TMEM117: variants seen among roughly 807,000 people sequenced by gnomAD.
The protein encoded by TMEM117 is transmembrane protein 117.
In TMEM117, 27 loss-of-function variants were observed where a neutral mutation model predicts 52.4. That is an observed-to-expected ratio of 0.51 (90% confidence interval 0.38 to 0.71). TMEM117 has a LOEUF of 0.71. Among genes scored for constraint, TMEM117 ranks in the 30% least tolerant of loss-of-function variants. The pLI is 0.00. For synonymous variants in TMEM117, 215 were observed against 206.3 expected (o/e 1.04, Z -0.36); for missense variants, 556 against 630.5 (o/e 0.88, Z 1.26).
At chr12:44,394,833 G>T in the TMEM117 span, among the ~76,000 whole-genome samples, 1 of 152,152 alleles carries the variant, frequency 6.6e-6, no homozygotes, top group African/African-American at 2.4e-5. Flanking sequence ...AGCCACTTCT[G>T]AATTGGGATG....
intron 6 of TMEM117, among the ~76,000 whole-genome samples, chr12:44,311,371 C>G (rs970571838): frequency 7.2e-5 from 11 of 152,024 alleles, no homozygotes; most frequent in African/African-American, 2.7e-4. Flanking sequence ...AATAAATTTA[C>G]ACACAAAAAT....
chr12:44,314,564 CTTCT>C (rs1424106586), intron 6 of TMEM117, among the ~76,000 whole-genome samples: 2 of 135,268 alleles, frequency 1.5e-5, no homozygotes, highest in Admixed American at 7.1e-5. Flanking sequence ...GTAGTTTCTT[CTTCT>C]TTTTTTTTTT....
the TMEM117 span, chr12:43,802,508 T>C: frequency 2.2e-4 from 303 of 1,394,538 alleles, 1 homozygote; most frequent in East Asian, 4.0e-4. Context: ...TGGTTTGAGA[T>C]ATCAAGTGGT....
chr12:44,369,631 C>A (rs1951835792), intron 6 of TMEM117, among the ~76,000 whole-genome samples: 1 of 152,102 alleles, frequency 6.6e-6, no homozygotes, highest in African/African-American at 2.4e-5. Context: ...GAGTTCATTG[C>A]TGTATTAGAA....
At chr12:43,880,650 C>G (rs1171770282) in intron 2 of TMEM117, among the ~76,000 whole-genome samples, 1 of 152,136 alleles carries the variant, frequency 6.6e-6, no homozygotes, top group Non-Finnish European at 1.5e-5. Flanking sequence ...GAGACAGTCT[C>G]CCTTGAGCCA....
At chr12:44,048,953 T>A (rs1431581145) in intron 3 of TMEM117, among the ~76,000 whole-genome samples, 1 of 152,224 alleles carries the variant, frequency 6.6e-6, no homozygotes, top group Non-Finnish European at 1.5e-5. Context: ...CTCACTACTT[T>A]TTTATATTTA....
intron 5 of TMEM117, chr12:44,263,402 G>T (rs1424256600): frequency 6.6e-6 from 1 of 152,086 alleles, no homozygotes; most frequent in African/African-American, 2.4e-5. Flanking sequence ...TTACAGTGTT[G>T]GTGGGAGTAT....
the TMEM117 span, among the ~76,000 whole-genome samples, chr12:43,811,893 A>G: frequency 6.6e-6 from 1 of 152,250 alleles, no homozygotes; most frequent in South Asian, 2.1e-4. Context: ...TGCCTTGGTT[A>G]TCAGATTTAG....
the TMEM117 span, among the ~76,000 whole-genome samples, chr12:43,819,015 G>A: frequency 1.3e-4 from 20 of 152,248 alleles, no homozygotes; most frequent in South Asian, 4.1e-3. Context: ...GTGATGCATA[G>A]ATTGAGAACA....
chr12:43,831,463 TA>T (rs897455229), upstream of TMEM117, among the ~76,000 whole-genome samples: 41 of 152,128 alleles, frequency 2.7e-4, no homozygotes, highest in African/African-American at 9.6e-4. Context: ...TTTTTTTTTT[TA>T]ATAAAGACTG....
intron 6 of TMEM117, among the ~76,000 whole-genome samples, chr12:44,374,348 A>G (rs1373044641): frequency 1.3e-5 from 2 of 152,124 alleles, no homozygotes. Context: ...GAAAGGATGG[A>G]TATGAAAGAC....
At chr12:43,806,603 C>G in the TMEM117 span, among the ~76,000 whole-genome samples, 4 of 152,214 alleles carry the variant, frequency 2.6e-5, no homozygotes, top group Admixed American at 6.5e-5. Context: ...CCGCCATTCG[C>G]TGCCTCAGCA....
At chr12:44,281,032 T>C (rs1950570738) in intron 5 of TMEM117, among the ~76,000 whole-genome samples, 1 of 152,286 alleles carries the variant, frequency 6.6e-6, no homozygotes, top group Non-Finnish European at 1.5e-5. Context: ...CCTGAATTAG[T>C]CTTAAATAAG....
chr12:44,241,701 T>A (rs1044983062), intron 5 of TMEM117, among the ~76,000 whole-genome samples: 100 of 151,372 alleles, frequency 6.6e-4, no homozygotes, highest in African/African-American at 2.1e-3. Flanking sequence ...ATAAGAAACA[T>A]GCCATGATAT....
chr12:44,195,095 A>G (rs1326968175), intron 4 of TMEM117, among the ~76,000 whole-genome samples: 1 of 152,178 alleles, frequency 6.6e-6, no homozygotes, highest in South Asian at 2.1e-4. Context: ...GGTCAAGTCT[A>G]TGTGGGCTCC....
At chr12:43,883,761 C>CAAAA (rs10718021) in intron 2 of TMEM117, among the ~76,000 whole-genome samples, 1 of 140,520 alleles carries the variant, frequency 7.1e-6, no homozygotes, top group African/African-American at 2.6e-5. Context: ...GTATGAAAGA[C>CAAAA]AAAAAAAAAA....
At chr12:43,931,662 A>G (rs150086215) in intron 2 of TMEM117, among the ~76,000 whole-genome samples, 3 of 152,340 alleles carry the variant, frequency 2.0e-5, no homozygotes, top group South Asian at 2.1e-4. Flanking sequence ...TGCTATTTCT[A>G]TCAACTCTCA....
chr12:44,196,294 G>A (rs373627581), intron 4 of TMEM117, among the ~76,000 whole-genome samples: 3 of 151,718 alleles, frequency 2.0e-5, no homozygotes, highest in South Asian at 2.1e-4. Flanking sequence ...AAAAATAAAG[G>A]TACTATATAG....
At chr12:44,025,967 G>A (rs746693028) in intron 3 of TMEM117, among the ~76,000 whole-genome samples, 5 of 152,116 alleles carry the variant, frequency 3.3e-5, no homozygotes, top group Admixed American at 6.6e-5. Context: ...CCAGGTCACC[G>A]TTCTTCTCAT....
Sources: allele counts gnomAD v4.1 joint callset (sites outside exome capture counted in the v4.1 genomes callset), GRCh38; gene constraint gnomAD v4.1.1; transcripts MANE v1.5; gene names NCBI Gene and HGNC (gene_info 2026-07-23, HGNC 2026-07-21).